BCAR3: variants seen among roughly 807,000 people sequenced by gnomAD.
BCAR3 encodes the protein BCAR3 adaptor protein, NSP family member, also known as breast cancer anti-estrogen resistance protein 3.
BCAR3 carries 37 observed loss-of-function variants against 80.1 expected under a neutral mutation model. That is an observed-to-expected ratio of 0.46 (90% CI 0.36 to 0.61). The LOEUF is 0.61. Ranked by LOEUF, BCAR3 falls within the 20% of genes least tolerant of loss-of-function variation. BCAR3 has a pLI of 0.00. For synonymous variants in BCAR3, 389 were observed against 418.9 expected (o/e 0.93, Z 0.87); for missense variants, 978 against 1,068.2 (o/e 0.92, Z 1.18).
chr1:93,777,231 T>A (rs1039473284), intron 2 of BCAR3, among the ~76,000 whole-genome samples: 4 of 152,246 alleles, frequency 2.6e-5, no homozygotes, highest in Non-Finnish European at 5.9e-5. Flanking sequence ...AAATTTCTGT[T>A]GTTTTAAGCC....
At chr1:93,790,614 C>CTTTT (rs781591266) in intron 2 of BCAR3, among the ~76,000 whole-genome samples, 1 of 90,410 alleles carries the variant, frequency 1.1e-5, no homozygotes, top group Admixed American at 1.1e-4. Context: ...CACTTATAGT[C>CTTTT]TTTTTTTTTT....
At chr1:93,663,884 C>T (rs1647775904) in intron 2 of BCAR3, among the ~76,000 whole-genome samples, 1 of 152,190 alleles carries the variant, frequency 6.6e-6, no homozygotes, top group Non-Finnish European at 1.5e-5. Context: ...CATACCTCTT[C>T]CTCCTTTGGA....
chr1:93,638,066 G>A (rs1675850667), intron 3 of BCAR3, among the ~76,000 whole-genome samples: 2 of 152,154 alleles, frequency 1.3e-5, no homozygotes, highest in Non-Finnish European at 1.5e-5. Flanking sequence ...TGGCTAATAC[G>A]GTGAAACCCC....
intron 2 of BCAR3, among the ~76,000 whole-genome samples, chr1:93,769,363 G>A (rs1180930823): frequency 9.1e-6 from 1 of 109,592 alleles, no homozygotes; most frequent in African/African-American, 4.7e-5. Context: ...GAATGTGTGT[G>A]TGTGTGTGTG....
chr1:93,615,004 CTT>C (rs912095250), intron 3 of BCAR3, among the ~76,000 whole-genome samples: 38 of 121,944 alleles, frequency 3.1e-4, no homozygotes, highest in Middle Eastern at 4.1e-3. Flanking sequence ...TCAACGAGTT[CTT>C]TTTTTTTTTT....
intron 2 of BCAR3, among the ~76,000 whole-genome samples, chr1:93,795,169 G>A (rs1274477207): frequency 2.1e-3 from 182 of 87,104 alleles, no homozygotes; most frequent in Non-Finnish European, 3.1e-3. Flanking sequence ...CCTTTGTGGC[G>A]TTCTCTGTAT....
intron 2 of BCAR3, among the ~76,000 whole-genome samples, chr1:93,710,693 C>A (rs1649990095): frequency 6.6e-6 from 1 of 152,192 alleles, no homozygotes; most frequent in East Asian, 1.9e-4. Flanking sequence ...TTTGATCATG[C>A]CATTCCCTCT....
chr1:93,633,421 T>C (rs1247201096), intron 3 of BCAR3, among the ~76,000 whole-genome samples: 1 of 152,214 alleles, frequency 6.6e-6, no homozygotes, highest in Non-Finnish European at 1.5e-5. Context: ...TAACACTTTC[T>C]TCCCACCTGG....
chr1:93,731,819 G>T (rs1358260774), intron 2 of BCAR3, among the ~76,000 whole-genome samples: 1 of 152,198 alleles, frequency 6.6e-6, no homozygotes, highest in Non-Finnish European at 1.5e-5. Context: ...CCAAGTGCCT[G>T]GGGAGTAGGG....
At chr1:93,841,391 T>C (rs922818274) in intron 2 of BCAR3, among the ~76,000 whole-genome samples, 1 of 152,232 alleles carries the variant, frequency 6.6e-6, no homozygotes, top group African/African-American at 2.4e-5. Context: ...ATGTGGTCTT[T>C]TGTTTGTGCA....
intron 3 of BCAR3, among the ~76,000 whole-genome samples, chr1:93,694,493 C>G (rs1649317457): frequency 6.6e-6 from 1 of 152,140 alleles, no homozygotes; most frequent in Admixed American, 6.5e-5. Flanking sequence ...CTCTCCATGG[C>G]TCTCCTGGTC....
Position 93,592,430 on chromosome 1 carries a change from A to G in BCAR3, c.358-37T>C. 1 of 1,542,518 alleles carries G rather than the reference A, an allele frequency of 6.5e-7. No homozygotes were observed. Among genetic ancestry groups the G allele is most frequent in the East Asian group, 2.3e-5 (1 of 43,822 alleles). ...AGTCAACCATGAGCTCACCCTGCCC[A>G]GGCCACACCAGGCCATGCCAGCTGG... On this transcript the variant is annotated intron_variant, in intron 3 of 11. Transcript: ENST00000260502. This position sits in a 1 kb window ranked among gnomAD's most constrained non-coding sequence, Gnocchi z 4.8.
intron 3 of BCAR3, among the ~76,000 whole-genome samples, chr1:93,641,626 G>A (rs1378084927): frequency 2.4e-4 from 37 of 152,158 alleles, no homozygotes; most frequent in Admixed American, 2.4e-3. Context: ...TATTTAGAAG[G>A]GTTGAATACT....
intron 5 of BCAR3, among the ~76,000 whole-genome samples, chr1:93,584,539 C>T (rs1673863907): frequency 6.6e-6 from 1 of 152,198 alleles, no homozygotes; most frequent in African/African-American, 2.4e-5. Flanking sequence ...TCCACATGCT[C>T]CATAGTGTTG....
In BCAR3 at chr1:93,674,754, A is replaced by G. The variant is rs530739643; in HGVS notation, c.177T>C (p.Pro59=). The change falls in exon 2 of 12, where the codon CCT becomes CCC. Residue 59 remains proline (P), a synonymous_variant. Coordinates refer to ENST00000260502, the MANE Select transcript of BCAR3 (RefSeq NM_003567.4). ...GTLPRKKKGP[P]PIRSCDDFSH... ...TGAAGTCATCACAGGACCTTATGGG[A>G]GGAGGACCTTTTTTCTTCCGTGGAA... 3.3e-5 allele frequency: 53 copies of G among 1,613,224 alleles called. 1 individual carries two copies. In the Admixed American group the frequency reaches 8.0e-4, roughly 24 times the overall value.
chr1:93,589,402 C>T lies in BCAR3; in HGVS notation c.504G>A (p.Val168=). The T allele has an allele frequency of 6.2e-7, 1 of 1,611,542 alleles. No individual in the cohort carries two copies. Residue 168 remains valine, a synonymous_variant, in exon 5 of 12, where the codon GTG becomes GTA. Coordinates refer to ENST00000260502, the MANE Select transcript of BCAR3 (RefSeq NM_003567.4). Reference sequence around the variant, plus strand: ...GAACTAGGAAGTCACCATCTCGCTGCACAAGGTTTTCAGACACCTTTGGGA... The same window carrying T: ...GAACTAGGAAGTCACCATCTCGCTGTACAAGGTTTTCAGACACCTTTGGGA... ...RIPRQVSENL[V]QRDGDFLVRD...
chr1:93,570,496 C>T (rs1478999959), intron 9 of BCAR3, among the ~76,000 whole-genome samples: 2 of 152,200 alleles, frequency 1.3e-5, no homozygotes, highest in East Asian at 3.8e-4. Flanking sequence ...CTCTATGAGG[C>T]CTGCTTGACT....
At chr1:93,623,016 GA>G (rs1231342401) in intron 3 of BCAR3, among the ~76,000 whole-genome samples, 1 of 152,084 alleles carries the variant, frequency 6.6e-6, no homozygotes, top group Non-Finnish European at 1.5e-5. Flanking sequence ...TCCATCCAAG[GA>G]CAAGCTATAG....
At chr1:93,714,509 C>T (rs1650131320) in intron 2 of BCAR3, among the ~76,000 whole-genome samples, 1 of 152,140 alleles carries the variant, frequency 6.6e-6, no homozygotes, top group African/African-American at 2.4e-5. Context: ...GTCACCACAG[C>T]CCAGCAGTCT....
Sources: gnomAD v4.1 joint callset for allele counts (sites outside exome capture counted in the v4.1 genomes callset) on GRCh38, gnomAD v4.1.1 for gene constraint, Gnocchi (gnomAD v3.1) non-coding constraint, MANE v1.5 for transcripts, NCBI Gene and HGNC (gene_info 2026-07-23, HGNC 2026-07-21) for gene names.